Variants in FAM120B observed in about 807,000 individuals in gnomAD.
The protein encoded by FAM120B is constitutive coactivator of peroxisome proliferator-activated receptor gamma.
In FAM120B, 83 loss-of-function variants were observed where a neutral mutation model predicts 96.3. The ratio of observed to expected loss-of-function variants is 0.86; its 90% CI spans 0.72 to 1.03. The LOEUF (loss-of-function observed/expected upper bound fraction) is 1.03, where lower values mean the gene tolerates loss of function less well. FAM120B is among the 50% of genes least tolerant of loss of function. The probability of loss-of-function intolerance (pLI) is 0.00; values close to 1 mark genes in which losing one functional copy is unlikely to be tolerated. For synonymous variants in FAM120B, 407 were observed against 402.7 expected (o/e 1.01, Z -0.13); for missense variants, 1,027 against 1,121.2 (o/e 0.92, Z 1.20).
chr6:170,314,501 G>A (rs1233529168), intron 1 of FAM120B, among the ~76,000 whole-genome samples: 1 of 152,170 alleles, frequency 6.6e-6, no homozygotes, highest in Non-Finnish European at 1.5e-5. Context: ...CCTCCCTAAT[G>A]AGAAATAACT....
chr6:170,368,819 C>CCGGG (rs146799172), intron 6 of FAM120B, among the ~76,000 whole-genome samples: 1 of 26,128 alleles, frequency 3.8e-5, no homozygotes, highest in African/African-American at 6.6e-5. Context: ...TCTGCCGGGG[C>CCGGG]TGGGGGGGGG....
upstream of FAM120B, among the ~76,000 whole-genome samples, chr6:170,294,010 G>A (rs945971399): frequency 2.0e-5 from 3 of 152,110 alleles, no homozygotes; most frequent in African/African-American, 7.2e-5. The surrounding 1 kb of genome is among the most constrained non-coding windows in gnomAD (Gnocchi z 7.9). Flanking sequence ...GGGACGACAC[G>A]CCTTTAGACG....
intron 5 of FAM120B, among the ~76,000 whole-genome samples, chr6:170,348,682 G>A (rs1321696059): frequency 6.6e-6 from 1 of 152,168 alleles, no homozygotes; most frequent in Admixed American, 6.5e-5. Flanking sequence ...GGGTTTTAGT[G>A]TAAAGGTGAG....
At chr6:170,389,119 G>A (rs1459424074) in intron 7 of FAM120B, among the ~76,000 whole-genome samples, 4 of 152,124 alleles carry the variant, frequency 2.6e-5, no homozygotes, top group African/African-American at 7.2e-5. Flanking sequence ...AAGAAGATTC[G>A]AGTGTAAGTG....
chr6:170,391,262 C>T (rs897023361), intron 8 of FAM120B, 141 bp downstream of exon 8: 8 of 654,134 alleles, frequency 1.2e-5, no homozygotes, highest in Non-Finnish European at 1.9e-5. Flanking sequence ...GGGCCGGGTG[C>T]GGTGGCTCAC....
upstream of FAM120B, among the ~76,000 whole-genome samples, chr6:170,303,756 G>A (rs1784191537): frequency 6.6e-6 from 1 of 152,008 alleles, no homozygotes; most frequent in Non-Finnish European, 1.5e-5. Flanking sequence ...CTCCCATTCA[G>A]CAATTATCTT....
intron 3 of FAM120B, among the ~76,000 whole-genome samples, chr6:170,327,822 C>G (rs968634907): frequency 5.0e-4 from 71 of 141,556 alleles, no homozygotes; most frequent in East Asian, 1.1e-3. Flanking sequence ...ACTGCACACG[C>G]AGGCTGCTCC....
At chr6:170,345,327 G>A (rs1187585649) in intron 4 of FAM120B, among the ~76,000 whole-genome samples, 2 of 152,154 alleles carry the variant, frequency 1.3e-5, no homozygotes, top group Non-Finnish European at 2.9e-5. Flanking sequence ...TAACAGGCTG[G>A]GCACGGTGAC....
At position 170,348,186 on chromosome 6, in the gene FAM120B, C is replaced by A; in HGVS notation, c.2053C>A (p.Gln685Lys). 6.2e-7 allele frequency: 1 copy of A among 1,613,912 alleles called. No homozygotes were observed. Among genetic ancestry groups the A allele is most frequent in the Non-Finnish European group, 8.5e-7 (1 of 1,179,948 alleles). The change falls in exon 5 of 11, where the codon CAA becomes AAA. Residue 685 changes from glutamine (Q) to lysine (K), a missense_variant. Transcript: ENST00000476287. ...TAGTTTGAAAATATTATGGCTGAAC[C>A]AAGAGCCAGAAATACAGGTTCGGCG... ...TPSLKILWLNQEPEIQVRRLD... is the reference protein window; with the variant it reads ...TPSLKILWLNKEPEIQVRRLD...
At chr6:170,381,960 G>A (rs1655258498) in intron 6 of FAM120B, among the ~76,000 whole-genome samples, 1 of 152,206 alleles carries the variant, frequency 6.6e-6, no homozygotes, top group Admixed American at 6.5e-5. Flanking sequence ...GGACAGAGAT[G>A]TCTGTCCTCA....
At chr6:170,324,241 G>T (rs903687022) in intron 3 of FAM120B, among the ~76,000 whole-genome samples, 5 of 152,148 alleles carry the variant, frequency 3.3e-5, no homozygotes, top group African/African-American at 7.2e-5. Context: ...GGGGCTCAGG[G>T]GTAGTGGGGT....
rs1433236375 is a variant in FAM120B at position 170,306,778 on chromosome 6, T to C, written c.-86T>C. The C allele has an allele frequency of 1.3e-5, 2 of 152,610 alleles. No homozygotes were observed. The highest frequency in any genetic ancestry group is 2.9e-5 in the Non-Finnish European group (2 of 68,906). The allele number at this position is 152,610 out of a possible 1,614,324, so 9.5% of individuals were successfully genotyped here. ...GAAGTGAACGAGGCGGCTGTGGCGG[T>C]GGCTGAGGCGGCTGGGCCTAGGGTG... On this transcript the variant is annotated 5_prime_UTR_variant, in exon 1 of 11. Coordinates refer to ENST00000476287, the MANE Select transcript of FAM120B (RefSeq NM_032448.3).
intron 6 of FAM120B, among the ~76,000 whole-genome samples, chr6:170,378,909 C>T (rs552819341): frequency 2.6e-5 from 4 of 152,202 alleles, no homozygotes; most frequent in African/African-American, 9.7e-5. Context: ...GTGAGAAGAG[C>T]GTGCTAAGTA....
chr6:170,291,379 G>T (rs1162551439), upstream of FAM120B, among the ~76,000 whole-genome samples: 1 of 151,740 alleles, frequency 6.6e-6, no homozygotes, highest in African/African-American at 2.4e-5. Flanking sequence ...GGGCCGCGGC[G>T]GCAGCCGAGG....
Position 170,406,229 on chromosome 6 carries a change from A to G in FAM120B, c.*1478A>G, listed in dbSNP as rs1026102123. 6.6e-6 allele frequency: 1 copy of G among 152,166 alleles called. No homozygotes were observed. The highest frequency in any genetic ancestry group is 1.9e-4 in the East Asian group (1 of 5,178). The allele number at this position is 152,166 out of a possible 1,614,324, so 9.4% of individuals were successfully genotyped here. ...AAACCTCGAACTTATGTCTGTCTCC[A>G]CCTGAGAAAGGAGAAGAAAAGCTGG... On this transcript the variant is annotated 3_prime_UTR_variant, in exon 11 of 11. Transcript: ENST00000476287.
At chr6:170,314,171 C>T (rs1784760005) in intron 1 of FAM120B, among the ~76,000 whole-genome samples, 1 of 152,244 alleles carries the variant, frequency 6.6e-6, no homozygotes, top group African/African-American at 2.4e-5. Context: ...ACAAGGCAGC[C>T]TCCAGCTGTA....
intron 9 of FAM120B, among the ~76,000 whole-genome samples, chr6:170,403,048 G>A (rs746262935): frequency 6.6e-6 from 1 of 152,162 alleles, no homozygotes; most frequent in African/African-American, 2.4e-5. Context: ...CTGAGTTTGT[G>A]TCAGATTTAA....
At chr6:170,337,577 A>G (rs1471013298) in intron 4 of FAM120B, among the ~76,000 whole-genome samples, 4 of 152,048 alleles carry the variant, frequency 2.6e-5, no homozygotes, top group Admixed American at 6.6e-5. Flanking sequence ...CTTGTTTTCT[A>G]TTGTTTGGAA....
intron 4 of FAM120B, among the ~76,000 whole-genome samples, chr6:170,335,209 C>T (rs1786333387): frequency 6.6e-6 from 1 of 151,284 alleles, no homozygotes; most frequent in Non-Finnish European, 1.5e-5. Flanking sequence ...CCTCCCCTTG[C>T]CCCCAACCCC....
Sources: allele counts gnomAD v4.1 joint callset (sites outside exome capture counted in the v4.1 genomes callset), GRCh38; gene constraint gnomAD v4.1.1; non-coding constraint Gnocchi (gnomAD v3.1); transcripts MANE v1.5; gene names NCBI Gene and HGNC (gene_info 2026-07-23, HGNC 2026-07-21).